Variants in PUDP observed in about 807,000 individuals in gnomAD.
PUDP encodes pseudouridine 5'-phosphatase.
A neutral mutation model predicts 9.4 loss-of-function variants in PUDP; 8 were observed. The observed-to-expected ratio is 0.85, with a 90% CI of 0.50 to 1.53. PUDP has a LOEUF of 1.53. Among genes scored for constraint, PUDP ranks in the 40% most tolerant of loss-of-function variants. PUDP has a pLI of 0.00. For missense variants in PUDP, 188 were observed against 189.7 expected, an observed-to-expected ratio of 0.99 and a Z score of 0.05; for synonymous variants, 99 against 80.7, an observed-to-expected ratio of 1.23 and a Z score of -1.22.
chrX:6,787,010 C>A (rs1290456924), intron 3 of PUDP, among the ~76,000 whole-genome samples: 4 of 108,828 alleles, frequency 3.7e-5, no homozygotes, highest in Admixed American at 9.9e-5. Flanking sequence ...TCTCTCCCCC[C>A]ACCCCCCGAC....
intron 3 of PUDP, among the ~76,000 whole-genome samples, chrX:6,840,783 A>G (rs1197244743): frequency 9.4e-6 from 1 of 106,099 alleles, no homozygotes; most frequent in Admixed American, 1.0e-4. Flanking sequence ...TAGGTTCATC[A>G]ATTGTAAAAA....
intron 3 of PUDP, among the ~76,000 whole-genome samples, chrX:6,761,896 C>T (rs1925232191): frequency 8.9e-6 from 1 of 111,943 alleles, no homozygotes; most frequent in South Asian, 3.7e-4. Context: ...AAGCATTCTT[C>T]CTGCACCTGG....
At chrX:7,076,613 G>A (rs1032323295) in intron 3 of PUDP, among the ~76,000 whole-genome samples, 2 of 111,717 alleles carry the variant, frequency 1.8e-5, no homozygotes, top group Admixed American at 9.5e-5. Context: ...AGGGAGCCAG[G>A]GGCCGTCTCC....
intron 2 of PUDP, among the ~76,000 whole-genome samples, chrX:7,103,170 T>C (rs1363911794): frequency 6.3e-5 from 7 of 111,979 alleles, no homozygotes; most frequent in Non-Finnish European, 1.9e-5. Flanking sequence ...TTTCCAAACA[T>C]ATTACAAAGC....
chrX:6,963,570 A>C (rs1399287720), intron 3 of PUDP, among the ~76,000 whole-genome samples: 4 of 112,047 alleles, frequency 3.6e-5, no homozygotes, highest in Non-Finnish European at 7.5e-5. Context: ...ATCTGGCATC[A>C]GAAGTGAGTA....
intron 3 of PUDP, among the ~76,000 whole-genome samples, chrX:6,815,213 G>A (rs929704272): frequency 1.8e-5 from 2 of 109,049 alleles, no homozygotes; most frequent in Non-Finnish European, 3.8e-5. Context: ...TGTCCATTTG[G>A]CAAAGTGATG....
At chrX:7,098,604 G>A (rs1003059569) in intron 2 of PUDP, among the ~76,000 whole-genome samples, 10 of 111,630 alleles carry the variant, frequency 9.0e-5, no homozygotes, top group African/African-American at 3.3e-4. Flanking sequence ...AGGGGACTGG[G>A]GCTGGACAGC....
At chrX:6,728,806 A>C (rs1440500021) in intron 3 of PUDP, among the ~76,000 whole-genome samples, 4 of 111,223 alleles carry the variant, frequency 3.6e-5, no homozygotes. Context: ...ATGTCCTTGG[A>C]TTTTCCCTGA....
intron 2 of PUDP, among the ~76,000 whole-genome samples, chrX:7,086,066 C>A (rs1931254521): frequency 9.0e-6 from 1 of 111,665 alleles, no homozygotes; most frequent in Non-Finnish European, 1.9e-5. Context: ...CTGCTTTCTG[C>A]AATTTTCACT....
chrX:7,071,708 G>A (rs774855566), intron 3 of PUDP, among the ~76,000 whole-genome samples: 12 of 110,348 alleles, frequency 1.1e-4, no homozygotes, highest in South Asian at 7.9e-4. Flanking sequence ...ATGGTCCAGC[G>A]TACAGCAGAG....
At chrX:6,984,566 T>G (rs1929080181) in intron 1 of PUDP, among the ~76,000 whole-genome samples, 1 of 111,691 alleles carries the variant, frequency 9.0e-6, no homozygotes, top group African/African-American at 3.3e-5. Context: ...TTCCTATAAA[T>G]TAGTAAATCA....
intron 1 of PUDP, among the ~76,000 whole-genome samples, chrX:7,025,564 A>G (rs918245859): frequency 1.8e-5 from 2 of 111,628 alleles, no homozygotes; most frequent in Non-Finnish European, 3.8e-5. Context: ...TCTGTGCTTG[A>G]CTTTTCTGAA....
chrX:6,780,179 A>G (rs767859388), intron 3 of PUDP, among the ~76,000 whole-genome samples: 12 of 109,878 alleles, frequency 1.1e-4, no homozygotes, highest in Non-Finnish European at 1.7e-4. Context: ...ACACACATAT[A>G]CACATACACA....
At chrX:7,128,938 C>T (rs749829133) in intron 1 of PUDP, among the ~76,000 whole-genome samples, 59 of 111,444 alleles carry the variant, frequency 5.3e-4, no homozygotes, top group African/African-American at 1.9e-3. Flanking sequence ...AAATCTCCAG[C>T]CCAAACCCCC....
At chrX:6,836,970 T>C (rs1926592180) in intron 3 of PUDP, among the ~76,000 whole-genome samples, 1 of 111,987 alleles carries the variant, frequency 8.9e-6, no homozygotes, top group Non-Finnish European at 1.9e-5. Flanking sequence ...GAAAAGGAGA[T>C]AGTGGGGTAG....
intron 3 of PUDP, among the ~76,000 whole-genome samples, chrX:6,828,092 A>G (rs1602636524): frequency 8.9e-6 from 1 of 111,989 alleles, no homozygotes; most frequent in Middle Eastern, 4.6e-3. Flanking sequence ...CTGCTGCCAC[A>G]GGAAAGATGC....
At chrX:6,801,057 T>C (rs769309218) in intron 3 of PUDP, among the ~76,000 whole-genome samples, 1 of 111,998 alleles carries the variant, frequency 8.9e-6, no homozygotes, top group African/African-American at 3.2e-5. Flanking sequence ...TGCTGTTTGA[T>C]CCCAGGGATG....
At chrX:7,130,829 T>A (rs1003555812) in intron 1 of PUDP, among the ~76,000 whole-genome samples, 2 of 111,576 alleles carry the variant, frequency 1.8e-5, no homozygotes, top group African/African-American at 6.5e-5. Flanking sequence ...GAGGTTGCAA[T>A]GAGCTGAGAT....
chrX:6,781,181 G>A (rs1925555535), intron 3 of PUDP, among the ~76,000 whole-genome samples: 1 of 111,528 alleles, frequency 9.0e-6, no homozygotes, highest in African/African-American at 3.3e-5. Flanking sequence ...AACAGCAACA[G>A]CAATCACATA....
Sources: allele counts gnomAD v4.1 joint callset (sites outside exome capture counted in the v4.1 genomes callset), GRCh38; gene constraint gnomAD v4.1.1; transcripts MANE v1.5; gene names NCBI Gene and HGNC (gene_info 2026-07-23, HGNC 2026-07-21).